Variants in ACTR3C observed in about 807,000 individuals in gnomAD.
The protein encoded by ACTR3C is actin-related protein 3C.
A neutral mutation model predicts 26.3 loss-of-function variants in ACTR3C; 18 were observed. The ratio of observed to expected loss-of-function variants is 0.68; its 90% CI spans 0.47 to 1.01. The LOEUF is 1.01. Among genes scored for constraint, ACTR3C ranks in the 50% least tolerant of loss-of-function variants. The pLI is 0.00. For missense variants in ACTR3C, 184 were observed against 250.7 expected (o/e 0.73, Z 1.80); for synonymous variants, 55 against 94.5 (o/e 0.58, Z 2.42).
At chr7:149,990,034 A>G in the ACTR3C span, among the ~76,000 whole-genome samples, 48,327 of 151,484 alleles carry the variant, frequency 0.32, 8,019 homozygotes, top group Non-Finnish European at 0.37. Flanking sequence ...TCCTTCCCTC[A>G]CTTCCGGAGG....
the ACTR3C span, among the ~76,000 whole-genome samples, chr7:150,012,475 C>T: frequency 4.6e-5 from 7 of 151,678 alleles, no homozygotes; most frequent in Non-Finnish European, 7.4e-5. Context: ...CCACCATGCC[C>T]GGCTAATTTT....
At chr7:150,158,717 G>A in the ACTR3C span, among the ~76,000 whole-genome samples, 1 of 152,208 alleles carries the variant, frequency 6.6e-6, no homozygotes, top group Non-Finnish European at 1.5e-5. Context: ...AAGCTCTGCA[G>A]ATCTAATGTA....
At chr7:149,889,939 C>T in the ACTR3C span, among the ~76,000 whole-genome samples, 1 of 152,186 alleles carries the variant, frequency 6.6e-6, no homozygotes, top group African/African-American at 2.4e-5. Context: ...GCCTGTGAAA[C>T]GCAGTGGCCA....
the ACTR3C span, chr7:149,892,192 A>G: frequency 4.5e-6 from 6 of 1,319,270 alleles, no homozygotes; most frequent in South Asian, 9.1e-5. Flanking sequence ...ACAACTCGCA[A>G]ATACAACTTC....
At chr7:150,241,388 G>C (rs1018655545), downstream of ACTR3C, among the ~76,000 whole-genome samples, 4 of 152,146 alleles carry the variant, frequency 2.6e-5, no homozygotes, top group African/African-American at 9.7e-5. Flanking sequence ...ATTTTCAACA[G>C]AGACACGAGA....
the ACTR3C span, among the ~76,000 whole-genome samples, chr7:149,989,080 C>G: frequency 6.6e-6 from 1 of 152,136 alleles, no homozygotes; most frequent in Admixed American, 6.5e-5. Context: ...CCCCTCACCA[C>G]CACTTCTGGG....
At chr7:149,948,774 A>T in the ACTR3C span, among the ~76,000 whole-genome samples, 10 of 151,834 alleles carry the variant, frequency 6.6e-5, no homozygotes, top group Non-Finnish European at 1.2e-4. Context: ...CTAAAATTTC[A>T]TGAGTAGCCA....
chr7:150,250,304 C>T (rs1372882916), intron 6 of ACTR3C, among the ~76,000 whole-genome samples: 2 of 149,716 alleles, frequency 1.3e-5, no homozygotes, highest in Non-Finnish European at 3.0e-5. Flanking sequence ...CCCGGGTTCA[C>T]GCCACTCTCC....
At chr7:150,057,357 T>G in the ACTR3C span, among the ~76,000 whole-genome samples, 2 of 149,108 alleles carry the variant, frequency 1.3e-5, no homozygotes, top group Non-Finnish European at 3.0e-5. Context: ...CTCAGCTCAC[T>G]GCAAACTCCA....
the ACTR3C span, among the ~76,000 whole-genome samples, chr7:150,116,694 T>C: frequency 2.0e-5 from 3 of 152,168 alleles, no homozygotes; most frequent in Non-Finnish European, 4.4e-5. Context: ...TCTAATGACT[T>C]GCCCAAAATT....
At chr7:150,318,539 G>A (rs1004037604) in intron 1 of ACTR3C, among the ~76,000 whole-genome samples, 3 of 152,128 alleles carry the variant, frequency 2.0e-5, no homozygotes, top group Admixed American at 1.3e-4. Context: ...CAAGGTGGGC[G>A]GATCACGAGA....
the ACTR3C span, among the ~76,000 whole-genome samples, chr7:149,952,977 A>G: frequency 1.3e-3 from 195 of 152,290 alleles, no homozygotes; most frequent in Non-Finnish European, 2.3e-3. Flanking sequence ...TATCCTAAGG[A>G]AATTATTTAA....
At chr7:150,133,965 C>G in the ACTR3C span, among the ~76,000 whole-genome samples, 1 of 151,754 alleles carries the variant, frequency 6.6e-6, no homozygotes, top group South Asian at 2.1e-4. Context: ...CTTGAATTTG[C>G]GAGCTCAAGT....
the ACTR3C span, among the ~76,000 whole-genome samples, chr7:149,913,809 C>G: frequency 1.3e-5 from 2 of 151,616 alleles, no homozygotes; most frequent in Admixed American, 1.3e-4. Context: ...CTTCCACCCA[C>G]CACATTTAGC....
At chr7:149,922,649 T>C in the ACTR3C span, among the ~76,000 whole-genome samples, 1 of 151,682 alleles carries the variant, frequency 6.6e-6, no homozygotes, top group African/African-American at 2.4e-5. Context: ...ATTTTAGCTG[T>C]TTTCTTCTCT....
chr7:150,271,937 G>A (rs894115217), intron 6 of ACTR3C, among the ~76,000 whole-genome samples: 1 of 147,804 alleles, frequency 6.8e-6, no homozygotes, highest in Non-Finnish European at 1.5e-5. Flanking sequence ...TTAATGGAAG[G>A]GTTATTTCCA....
the ACTR3C span, among the ~76,000 whole-genome samples, chr7:150,202,624 G>A: frequency 1.3e-5 from 2 of 152,258 alleles, no homozygotes; most frequent in African/African-American, 2.4e-5. Flanking sequence ...TAATGGCAAG[G>A]TTCTATTGTT....
the ACTR3C span, among the ~76,000 whole-genome samples, chr7:149,972,686 C>T: frequency 6.6e-6 from 1 of 152,276 alleles, no homozygotes; most frequent in East Asian, 1.9e-4. Flanking sequence ...TCTCCCAGCT[C>T]ATCACTGCAC....
chr7:149,941,144 G>A, the ACTR3C span, among the ~76,000 whole-genome samples: 18 of 152,326 alleles, frequency 1.2e-4, 1 homozygote, highest in East Asian at 3.1e-3. Flanking sequence ...GCAACAGTGG[G>A]GCAAGGGCCA....
Sources: gnomAD v4.1 joint callset for allele counts (sites outside exome capture counted in the v4.1 genomes callset) on GRCh38, gnomAD v4.1.1 for gene constraint, MANE v1.5 for transcripts, NCBI Gene and HGNC (gene_info 2026-07-23, HGNC 2026-07-21) for gene names.